Variants in SAMD4A observed in about 807,000 individuals in gnomAD.
SAMD4A encodes protein Smaug homolog 1.
SAMD4A carries 33 observed loss-of-function variants against 81.3 expected under a neutral mutation model. The observed-to-expected ratio is 0.41, with a 90% CI of 0.31 to 0.54. SAMD4A has a LOEUF of 0.54. Ranked by LOEUF, SAMD4A falls within the 20% of genes least tolerant of loss-of-function variation. The pLI is 0.37. For synonymous variants in SAMD4A, 389 were observed against 382.1 expected, an observed-to-expected ratio of 1.02 and a Z score of -0.21; for missense variants, 854 against 951.1, an observed-to-expected ratio of 0.90 and a Z score of 1.34.
intron 2 of SAMD4A, among the ~76,000 whole-genome samples, chr14:54,656,996 G>A (rs755665653): frequency 1.3e-4 from 19 of 151,296 alleles, no homozygotes; most frequent in African/African-American, 2.4e-4. Flanking sequence ...CTCCCACCCC[G>A]CCGGAGAAAC....
intron 4 of SAMD4A, among the ~76,000 whole-genome samples, chr14:54,747,894 G>A (rs2038006042): frequency 6.6e-6 from 1 of 152,212 alleles, no homozygotes; most frequent in South Asian, 2.1e-4. Context: ...AACTCTGACT[G>A]AAAGAATATG....
At chr14:54,647,823 A>G (rs1471818738) in intron 2 of SAMD4A, among the ~76,000 whole-genome samples, 2 of 152,254 alleles carry the variant, frequency 1.3e-5, no homozygotes, top group African/African-American at 2.4e-5. Flanking sequence ...TGGGAATTGA[A>G]TAGGTTTGCC....
chr14:54,765,476 A>G (rs528051556), intron 8 of SAMD4A, among the ~76,000 whole-genome samples: 1 of 150,812 alleles, frequency 6.6e-6, no homozygotes, highest in South Asian at 2.1e-4. Flanking sequence ...AAAAAAAAAA[A>G]GCCAGGTGTG....
intron 2 of SAMD4A, among the ~76,000 whole-genome samples, chr14:54,607,965 C>G (rs2034257412): frequency 6.9e-6 from 1 of 144,970 alleles, no homozygotes; most frequent in Admixed American, 7.1e-5. Context: ...GCAATGAGCC[C>G]AGGTCACACC....
chr14:54,666,956 C>G (rs1454960214), intron 2 of SAMD4A, among the ~76,000 whole-genome samples: 1 of 151,970 alleles, frequency 6.6e-6, no homozygotes, highest in African/African-American at 2.4e-5. Flanking sequence ...TTTGGTGGTC[C>G]TTTTCTTCAC....
chr14:54,611,091 G>A (rs2034341671), intron 2 of SAMD4A, among the ~76,000 whole-genome samples: 1 of 151,960 alleles, frequency 6.6e-6, no homozygotes, highest in African/African-American at 2.4e-5. Context: ...CAGAAATATT[G>A]TACTTTAGTT....
At chr14:54,572,838 T>C (rs2033170840) in intron 2 of SAMD4A, among the ~76,000 whole-genome samples, 9 of 152,232 alleles carry the variant, frequency 5.9e-5, no homozygotes, top group Admixed American at 5.9e-4. Context: ...ATAGAATTGA[T>C]ATGAATAATA....
chr14:54,613,865 T>C (rs558663002), intron 2 of SAMD4A, among the ~76,000 whole-genome samples: 2 of 152,342 alleles, frequency 1.3e-5, no homozygotes, highest in South Asian at 4.1e-4. Context: ...CGCTAAGACA[T>C]TGTTTGCTCT....
intron 6 of SAMD4A, among the ~76,000 whole-genome samples, chr14:54,755,799 A>G (rs1355187939): frequency 1.3e-5 from 2 of 152,236 alleles, no homozygotes; most frequent in African/African-American, 4.8e-5. Flanking sequence ...AGAATTTTCA[A>G]CATTTATCTT....
At chr14:54,744,653 C>A (rs2037924265) in intron 4 of SAMD4A, among the ~76,000 whole-genome samples, 1 of 152,094 alleles carries the variant, frequency 6.6e-6, no homozygotes, top group Admixed American at 6.5e-5. Flanking sequence ...GTGCTTTGTC[C>A]CAGAAACCTC....
At chr14:54,592,311 C>G (rs1218189539) in intron 2 of SAMD4A, among the ~76,000 whole-genome samples, 1 of 152,192 alleles carries the variant, frequency 6.6e-6, no homozygotes, top group Admixed American at 6.5e-5. Flanking sequence ...CTTTTCATCC[C>G]ATGCAGTGTC....
intron 2 of SAMD4A, among the ~76,000 whole-genome samples, chr14:54,635,735 C>T (rs1246651276): frequency 6.6e-6 from 1 of 150,952 alleles, no homozygotes; most frequent in Non-Finnish European, 1.5e-5. Context: ...GAGCAAGACT[C>T]CATCTCAAAA....
intron 8 of SAMD4A, among the ~76,000 whole-genome samples, chr14:54,765,894 C>T (rs939089767): frequency 2.0e-5 from 3 of 152,166 alleles, no homozygotes; most frequent in African/African-American, 7.2e-5. Context: ...CCCCCTTCCC[C>T]ACTTCCCCAA....
chr14:54,741,387 C>T (rs2037839645), intron 4 of SAMD4A, among the ~76,000 whole-genome samples: 3 of 152,216 alleles, frequency 2.0e-5, no homozygotes, highest in African/African-American at 7.2e-5. Context: ...CACGCTAAGA[C>T]TTAACAAAAT....
chr14:54,747,682 T>C (rs2038000995), intron 4 of SAMD4A, among the ~76,000 whole-genome samples: 1 of 152,258 alleles, frequency 6.6e-6, no homozygotes, highest in Non-Finnish European at 1.5e-5. Flanking sequence ...CAGCCACTGA[T>C]AGGCTGTTTG....
chr14:54,786,113 G>C (rs1360647416), intron 12 of SAMD4A, among the ~76,000 whole-genome samples: 1 of 152,188 alleles, frequency 6.6e-6, no homozygotes, highest in Non-Finnish European at 1.5e-5. Flanking sequence ...GATGAACATG[G>C]CTCAAAAAAA....
rs1279448984 is a variant in SAMD4A at position 54,751,459 on chromosome 14, C to T, written c.1098C>T (p.Thr366=). 3 of 1,577,986 alleles carry T rather than the reference C, an allele frequency of 1.9e-6. No homozygotes were observed. The highest frequency in any genetic ancestry group is 1.8e-5 in the Admixed American group (1 of 56,782). ...TECQLEAQNV[T]KGARHKIVIS... is the part of the protein sequence containing the mutation. ...TTGTTATTTAATTACAGAATGTTACCAAAGGTGCAAGACACAAAATTGTCA... is the reference window on the plus strand; with the variant it reads ...TTGTTATTTAATTACAGAATGTTACTAAAGGTGCAAGACACAAAATTGTCA... The change falls in exon 6 of 13, where the codon ACC becomes ACT. Residue 366 remains threonine (T), a synonymous_variant. Coordinates refer to ENST00000554335, the MANE Select transcript of SAMD4A (RefSeq NM_015589.6).
chr14:54,577,968 A>G (rs1402618081), intron 2 of SAMD4A, among the ~76,000 whole-genome samples: 3 of 152,228 alleles, frequency 2.0e-5, no homozygotes, highest in Admixed American at 2.0e-4. Flanking sequence ...AGGGCTGCCC[A>G]AACAATGCAG....
intron 2 of SAMD4A, chr14:54,688,292 C>A (rs1329505316): frequency 1.0e-6 from 1 of 985,306 alleles, no homozygotes; most frequent in Admixed American, 6.1e-5. Context: ...CCGGAGCAAC[C>A]GTTTAGAGGT....
Sources: allele counts gnomAD v4.1 joint callset (sites outside exome capture counted in the v4.1 genomes callset), GRCh38; gene constraint gnomAD v4.1.1; transcripts MANE v1.5; gene names NCBI Gene and HGNC (gene_info 2026-07-23, HGNC 2026-07-21).